The following COL5A1 variants were observed in gnomAD, a reference collection of about 807,000 sequenced individuals.
COL5A1 encodes collagen alpha-1(V) chain.
Under a neutral mutation model 263.7 loss-of-function variants are expected in COL5A1, and 16 were observed. That is an observed-to-expected ratio of 0.06 (90% CI 0.04 to 0.09). The LOEUF is 0.09. COL5A1 is among the 10% of genes least tolerant of loss of function. The pLI, the probability that COL5A1 is intolerant of heterozygous loss-of-function variation, is 1.00. For synonymous variants in COL5A1, 1,012 were observed against 1,004.5 expected (o/e 1.01, Z -0.14); for missense variants, 2,036 against 2,540.5 (o/e 0.80, Z 4.27).
intron 64 of COL5A1, among the ~76,000 whole-genome samples, chr9:134,831,660 C>T (rs1839633867): frequency 6.6e-6 from 1 of 152,224 alleles, no homozygotes; most frequent in Non-Finnish European, 1.5e-5. Flanking sequence ...GCGCTTGGCA[C>T]TGCCCTCTCC....
At chr9:134,752,762 G>A in intron 14 of COL5A1, 117 bp downstream of exon 14, 1 of 788,120 alleles carries the variant, frequency 1.3e-6, no homozygotes, top group South Asian at 1.5e-5. Context: ...GCGGCCCTTG[G>A]TCCAGTGCCT....
In COL5A1 at chr9:134,843,931, C is replaced by CT. The variant is rs1830173343; in HGVS notation, c.*1631dup. ...CGGGTGAGGTCCCCTTTGGGGAACC[C>CT]TTTCCTGGCCATCGAGGTCGGGGGG... On this transcript the variant is annotated 3_prime_UTR_variant, in exon 66 of 66. Coordinates refer to ENST00000371817, the MANE Select transcript of COL5A1 (RefSeq NM_000093.5). 6.6e-6 allele frequency: 1 copy of CT among 152,360 alleles called. No individual in the cohort carries two copies. The highest frequency in any genetic ancestry group is 2.4e-5 in the African/African-American group (1 of 41,462). The allele number at this position is 152,360 out of a possible 1,614,324, so 9.4% of individuals were successfully genotyped here.
rs1479098172 is a variant in COL5A1, at chr9:134,823,420, C to T, written c.4649C>T (p.Pro1550Leu). 2 of 1,614,122 alleles carry T rather than the reference C, an allele frequency of 1.2e-6. No individual in the cohort carries two copies. The highest frequency in any genetic ancestry group is 1.3e-5 in the African/African-American group (1 of 74,942). ...GPKGAKGSSGPTGPKGEAGHP... is the reference protein window; with the variant it reads ...GPKGAKGSSGLTGPKGEAGHP... ...GATTCTTTTCTTTCTCCCCAGGGTC[C>T]AACTGGCCCGAAGGGTGAGGCAGGC... The change falls in exon 61 of 66, where the codon CCA becomes CTA. Residue 1550 changes from proline to leucine, a missense_variant. Pro to Leu is a moderately conservative substitution (Grantham distance 98). Around this residue, in one of 3 missense-constraint regions of COL5A1, gnomAD observed 1,078 missense variants for 1,521.4 expected, o/e 0.71. Transcript: ENST00000371817.
At chr9:134,764,135 G>T in intron 20 of COL5A1, among the ~76,000 whole-genome samples, 1 of 133,976 alleles carries the variant, frequency 7.5e-6, no homozygotes, top group Non-Finnish European at 1.6e-5. Flanking sequence ...GGGGTGGGGG[G>T]TACAGGGGCA....
chr9:134,654,900 GTAGGGCTGGTGTT>G (rs1564368303), intron 1 of COL5A1, among the ~76,000 whole-genome samples: 6 of 114,888 alleles, frequency 5.2e-5, no homozygotes, highest in Admixed American at 9.1e-5. Context: ...CTGGGGGTGT[GTAGGGCTGGTGTT>G]TGTAGGGCTG....
intron 7 of COL5A1, among the ~76,000 whole-genome samples, chr9:134,731,166 ACCCC>A: frequency 6.6e-6 from 1 of 152,012 alleles, no homozygotes; most frequent in South Asian, 2.1e-4. Flanking sequence ...GCAGGTCCAG[ACCCC>A]TGCGTCTGCA....
At chr9:134,804,825 G>A (rs1022654193) in intron 39 of COL5A1, 150 bp from the exon 40 acceptor site, 9 of 712,590 alleles carry the variant, frequency 1.3e-5, no homozygotes, top group Admixed American at 2.1e-5. Flanking sequence ...AGGAGAGAAG[G>A]CCCCAACCCT....
chr9:134,722,584 C>T (rs914054984), intron 4 of COL5A1, among the ~76,000 whole-genome samples: 1 of 152,242 alleles, frequency 6.6e-6, no homozygotes, highest in Admixed American at 6.5e-5. Flanking sequence ...ACAGCTGCCC[C>T]TGAAGGCCCC....
intron 27 of COL5A1, among the ~76,000 whole-genome samples, chr9:134,778,828 G>A (rs774444182): frequency 1.3e-5 from 2 of 152,258 alleles, no homozygotes; most frequent in Admixed American, 6.5e-5. Context: ...AGTGATTATG[G>A]TTCAGGGCAA....
At chr9:134,685,198 A>G (rs1024012436) in intron 1 of COL5A1, among the ~76,000 whole-genome samples, 23 of 50,930 alleles carry the variant, frequency 4.5e-4, no homozygotes, top group East Asian at 2.4e-3. Flanking sequence ...CCATCTGTCC[A>G]TCCATCCATC....
intron 1 of COL5A1, chr9:134,649,711 C>T: frequency 2.9e-6 from 1 of 348,714 alleles, no homozygotes; most frequent in South Asian, 2.3e-5. Flanking sequence ...ATAAATCATC[C>T]TACTATAAAG....
At position 134,794,026 on chromosome 9, in the gene COL5A1, A is replaced by G. The variant is rs1457224715; in HGVS notation, c.2701-1056A>G. Among the ~76,000 whole-genome samples, 1 of 152,250 alleles carries G rather than the reference A, an allele frequency of 6.6e-6. No individual in the cohort carries two copies. The highest frequency in any genetic ancestry group is 2.4e-5 in the African/African-American group (1 of 41,470). ...CATACAGATCCACCTTGGGCGGAGC[A>G]TCAGAAACCAGTCAAGTTCAGCCAG... is the stretch of plus-strand genomic sequence containing the variant. On this transcript the variant is annotated intron_variant, in intron 32 of 65. Transcript: ENST00000371817. The surrounding 1 kb of genome is among the most constrained non-coding windows in gnomAD (Gnocchi z 4.3).
chr9:134,809,846 A>G (rs1838451380), intron 43 of COL5A1, among the ~76,000 whole-genome samples: 1 of 152,190 alleles, frequency 6.6e-6, no homozygotes, highest in Non-Finnish European at 1.5e-5. Context: ...TCACCTCTGC[A>G]TGGATAATGC....
chr9:134,655,297 C>G lies in COL5A1; in HGVS notation c.109+13001C>G, dbSNP rs548093122. On this transcript the variant is annotated intron_variant, in intron 1 of 65. Transcript: ENST00000371817. ...CTGTTTTGTGCATCGATGTGGGAGG[C>G]AGGGTGAGTCCCCACCCGAGGGAGG... is the stretch of plus-strand genomic sequence containing the variant. Among the ~76,000 whole-genome samples the G allele has an allele frequency of 2.8e-3, 418 of 151,992 alleles. 3 individuals are homozygous for G. The highest frequency in any genetic ancestry group is 9.6e-3 in the African/African-American group (398 of 41,398).
chr9:134,824,837 C>T lies in COL5A1; in HGVS notation c.4936C>T (p.His1646Tyr), dbSNP rs2132884669. ...CACCTGCAAGGACCTGCAGCTCTGC[C>T]ACCCCGACTTCCCAGATGGTGAGGG... ...ARTCKDLQLC[H>Y]PDFPDGEYWV... The change falls in exon 62 of 66, where the codon CAC (histidine) becomes TAC (tyrosine). Residue 1646 changes from histidine to tyrosine, a missense_variant. Transcript: ENST00000371817. The T allele has an allele frequency of 6.2e-7, 1 of 1,613,094 alleles. No individual in the cohort carries two copies. Among genetic ancestry groups the T allele is most frequent in the South Asian group, 1.1e-5 (1 of 91,038 alleles).
intron 13 of COL5A1, among the ~76,000 whole-genome samples, chr9:134,752,021 A>G (rs1172170437): frequency 6.6e-6 from 1 of 152,252 alleles, no homozygotes; most frequent in African/African-American, 2.4e-5. Flanking sequence ...CCAGGGAAAC[A>G]GAGTCACTTG....
At chr9:134,731,215 G>A (rs1286138115) in intron 7 of COL5A1, among the ~76,000 whole-genome samples, 1 of 152,196 alleles carries the variant, frequency 6.6e-6, no homozygotes, top group Admixed American at 6.5e-5. Flanking sequence ...CAAGACCCTG[G>A]GGCTGTGGGG....
At chr9:134,654,495 G>C (rs1347177594) in intron 1 of COL5A1, among the ~76,000 whole-genome samples, 1 of 124,006 alleles carries the variant, frequency 8.1e-6, no homozygotes, top group Non-Finnish European at 1.7e-5. Context: ...GTTGTGTAGA[G>C]CTGGTGTGTG....
At chr9:134,650,452 C>T (rs1831638788) in intron 1 of COL5A1, among the ~76,000 whole-genome samples, 1 of 152,220 alleles carries the variant, frequency 6.6e-6, no homozygotes, top group Admixed American at 6.5e-5. Flanking sequence ...ATTTATGGAC[C>T]CCTAACATGA....
Sources: allele counts gnomAD v4.1 joint callset (sites outside exome capture counted in the v4.1 genomes callset), GRCh38; gene constraint gnomAD v4.1.1; regional missense constraint gnomAD v4.1.1; non-coding constraint Gnocchi (gnomAD v3.1); transcripts MANE v1.5; gene names NCBI Gene and HGNC (gene_info 2026-07-23, HGNC 2026-07-21).